MYO18B: variants seen among roughly 807,000 people sequenced by gnomAD.
MYO18B encodes the protein unconventional myosin-XVIIIb.
In MYO18B, 204 loss-of-function variants were observed where a neutral mutation model predicts 273.0. That is an observed-to-expected ratio of 0.75 (90% CI 0.67 to 0.84). MYO18B has a LOEUF of 0.84. Among genes scored for constraint, MYO18B ranks in the 40% least tolerant of loss-of-function variants. MYO18B has a pLI of 0.00. For missense variants in MYO18B, 3,212 were observed against 3,287.6 expected (o/e 0.98, Z 0.56); for synonymous variants, 1,330 against 1,305.7 (o/e 1.02, Z -0.40).
At position 25,990,647 on chromosome 22, in the gene MYO18B, A is replaced by G. The variant is rs554911864; in HGVS notation, c.6157-1716A>G. Among the ~76,000 whole-genome samples, 17 of 124,906 alleles carry G rather than the reference A, an allele frequency of 1.4e-4. No homozygotes were observed. In the South Asian group the frequency reaches 4.6e-3, roughly 34 times the overall value. 81.9% of individuals were successfully genotyped at this position (124,906 alleles called of 152,430 possible). ...GGTTGCAGTGAGCTGAGATCATGCC[A>G]CTGCACTCCAGGCTGTGCAACAGAG... On this transcript the variant is annotated intron_variant, in intron 39 of 43. Coordinates refer to ENST00000335473, the MANE Select transcript of MYO18B (RefSeq NM_032608.7).
Position 25,878,079 on chromosome 22 carries a change from G to A in MYO18B, c.4314+31G>A, listed in dbSNP as rs368078987. The A allele has an allele frequency of 5.9e-5, 90 of 1,522,374 alleles. No individual in the cohort carries two copies. In the African/African-American group the frequency reaches 9.5e-4, roughly 16 times the overall value. 94.3% of individuals were successfully genotyped at this position (1,522,374 alleles called of 1,614,324 possible). A position where few individuals can be genotyped will look rare whatever the true frequency, so the allele number is the denominator to read the frequency against. ...CCCATCCCTCCTCTTGGGTCCTTGT[G>A]GGGGGTCTTTATGTATGTGAGATCT... is the stretch of plus-strand genomic sequence containing the variant. On this transcript the variant is annotated intron_variant, in intron 25 of 43. Transcript: ENST00000335473.
At chr22:26,003,143 G>C in intron 40 of MYO18B, 122 bp from the exon 41 acceptor site, 1 of 875,396 alleles carries the variant, frequency 1.1e-6, no homozygotes, top group Middle Eastern at 2.8e-4. Context: ...ACTTCCCTGA[G>C]ATCACACAGG....
rs1936578095 is a variant in MYO18B at position 26,030,035 on chromosome 22, A to T, written c.*13-408A>T. Among the ~76,000 whole-genome samples, 3 of 152,130 alleles carry T rather than the reference A, an allele frequency of 2.0e-5. No individual in the cohort carries two copies. In the South Asian group the frequency reaches 6.2e-4, roughly 31 times the overall value. On this transcript the variant is annotated intron_variant, in intron 43 of 43. Transcript: ENST00000335473. ...CAGTAACGCCACCTGGGTATACAGA[A>T]TTCCAGGCCCTCCACCCCATTCATT... is the stretch of plus-strand genomic sequence containing the variant.
In MYO18B at chr22:25,771,966, A is replaced by G. The variant is rs1010236782; in HGVS notation, c.1693-368A>G. Among the ~76,000 whole-genome samples, 3 of 152,190 alleles carry G rather than the reference A, an allele frequency of 2.0e-5. No homozygotes were observed. The East Asian group carries it at 5.8e-4, about 29-fold the overall frequency. ...CCTCGTAAGACCCAGAAGAGGAGGAAATGGCAGCGGATGCTCGCACACACT... is the reference window on the plus strand; with the variant it reads ...CCTCGTAAGACCCAGAAGAGGAGGAGATGGCAGCGGATGCTCGCACACACT... On this transcript the variant is annotated intron_variant, in intron 6 of 43. Transcript: ENST00000335473.
chr22:25,944,334 G>T (rs2092679722), intron 34 of MYO18B, among the ~76,000 whole-genome samples: 1 of 152,164 alleles, frequency 6.6e-6, no homozygotes, highest in Non-Finnish European at 1.5e-5. Flanking sequence ...GGGCCCAACT[G>T]CAGGAATACA....
rs147555673 is a variant in MYO18B, at chr22:25,973,062, T to A, written c.6156+17698T>A. On this transcript the variant is annotated intron_variant, in intron 39 of 43. Transcript: ENST00000335473. ...TGGTTCCTGCCTCTGTATTACTGAT[T>A]TGTTTTTTTGCTTCTAGATCTTGTT... Among the ~76,000 whole-genome samples, 436 of 152,282 alleles carry A rather than the reference T, an allele frequency of 2.9e-3. 2 individuals carry two copies. The highest frequency in any genetic ancestry group is 9.6e-3 in the African/African-American group (397 of 41,558).
the MYO18B span, among the ~76,000 whole-genome samples, chr22:26,054,879 G>C: frequency 6.6e-6 from 1 of 152,100 alleles, no homozygotes; most frequent in Non-Finnish European, 1.5e-5. Flanking sequence ...CGAAACATAG[G>C]GTGATGATGT....
At chr22:25,869,449 C>CAAAAAAAA (rs58609325) in intron 22 of MYO18B, among the ~76,000 whole-genome samples, 2 of 58,120 alleles carry the variant, frequency 3.4e-5, no homozygotes, top group African/African-American at 7.7e-5. Flanking sequence ...TACTGTGTCT[C>CAAAAAAAA]AAAAAAAAAA....
chr22:25,842,475 C>T (rs754655519), intron 17 of MYO18B, among the ~76,000 whole-genome samples: 1 of 151,940 alleles, frequency 6.6e-6, no homozygotes, highest in African/African-American at 2.4e-5. Flanking sequence ...GAGTTCGAGA[C>T]CAGCCTGGCC....
At chr22:25,851,973 G>A (rs1396326187) in intron 21 of MYO18B, among the ~76,000 whole-genome samples, 4 of 152,126 alleles carry the variant, frequency 2.6e-5, no homozygotes, top group Non-Finnish European at 5.9e-5. Context: ...GGAACTTTAG[G>A]AAAAGAATAA....
At chr22:25,820,749 C>A (rs549756999) in intron 12 of MYO18B, among the ~76,000 whole-genome samples, 2 of 152,198 alleles carry the variant, frequency 1.3e-5, no homozygotes, top group South Asian at 2.1e-4. Flanking sequence ...TCCTACAATG[C>A]TATAGAACAC....
At chr22:25,960,289 A>G (rs1293157291) in intron 39 of MYO18B, among the ~76,000 whole-genome samples, 1 of 152,006 alleles carries the variant, frequency 6.6e-6, no homozygotes, top group East Asian at 1.9e-4. Context: ...CTGTGGATGT[A>G]TATATCCTGT....
chr22:25,771,557 C>G (rs1391589069), intron 6 of MYO18B, among the ~76,000 whole-genome samples: 2 of 152,174 alleles, frequency 1.3e-5, no homozygotes, highest in Non-Finnish European at 1.5e-5. Flanking sequence ...GCCCTTTCCC[C>G]CCGCCCCTCA....
rs747394426 is a variant in MYO18B at position 25,828,849 on chromosome 22, C to A, written c.2860C>A (p.His954Asn). 57 of 1,613,882 alleles carry A rather than the reference C, an allele frequency of 3.5e-5. No homozygotes were observed. The highest frequency in any genetic ancestry group is 2.9e-4 in the South Asian group (26 of 91,090). ...VDSPGFQNPRHQGKDRAATFE... is the reference protein window; with the variant it reads ...VDSPGFQNPRNQGKDRAATFE... The stretch of plus-strand genomic sequence containing the variant: ...CTCTCCAGGCTTCCAGAACCCCCGG[C>A]ACCAGGGCAAGGACCGGGCGGCCAC... The change falls in exon 15 of 44, where the codon CAC becomes AAC. Residue 954 changes from histidine (H) to asparagine (N), a missense_variant. Physicochemically the swap from His to Asn is moderately conservative, Grantham distance 68. Transcript: ENST00000335473.
chr22:25,772,616 G>A (rs941152204), intron 7 of MYO18B, 106 bp downstream of exon 7: 7 of 1,158,864 alleles, frequency 6.0e-6, no homozygotes, highest in African/African-American at 3.1e-5. Flanking sequence ...GCCCCCAGTC[G>A]ACCTGTCTGC....
In MYO18B at chr22:26,026,945, C is replaced by G. The variant is rs1245196255; in HGVS notation, c.6971C>G (p.Thr2324Ser). 6.2e-7 allele frequency: 1 copy of G among 1,613,818 alleles called. No individual in the cohort carries two copies. ...GCCGCTGGTGGTCTCTTGAGGTCCACCAGCCTCAAATGCATCTCTTCAGAC... is the reference window on the plus strand; with the variant it reads ...GCCGCTGGTGGTCTCTTGAGGTCCAGCAGCCTCAAATGCATCTCTTCAGAC... The part of the protein sequence containing the change: ...EGAAGGLLRS[T>S]SLKCISSDGV... Residue 2324 changes from threonine (T) to serine (S), a missense_variant, in exon 43 of 44, where the codon ACC (threonine) becomes AGC (serine). Coordinates refer to ENST00000335473, the MANE Select transcript of MYO18B (RefSeq NM_032608.7).
chr22:25,762,943 C>G lies in MYO18B; in HGVS notation c.40-288C>G, dbSNP rs2331158. ...CATGGCAAGGAAGGGAACCAGCAGC[C>G]TTGACCATACAAGTGACTGTTCATA... On this transcript the variant is annotated intron_variant, in intron 2 of 43. Transcript: ENST00000335473. The G allele has an allele frequency of 0.29, 167,854 of 576,634 alleles. 29,282 individuals are homozygous for G. Among genetic ancestry groups the G allele is most frequent in the East Asian group, 0.65 (15,451 of 23,654 alleles). 35.7% of individuals were successfully genotyped at this position (576,634 alleles called of 1,614,324 possible).
chr22:25,887,885 G>A (rs775594698), intron 25 of MYO18B, among the ~76,000 whole-genome samples: 1 of 152,158 alleles, frequency 6.6e-6, no homozygotes, highest in Non-Finnish European at 1.5e-5. Context: ...TGCTCAGGCC[G>A]GTTAGCATAA....
rs564035814 is a variant in MYO18B at position 26,006,955 on chromosome 22, T to C, written c.6470+2100T>C. Among the ~76,000 whole-genome samples, 9 of 152,320 alleles carry C rather than the reference T, an allele frequency of 5.9e-5. 1 individual carries two copies. Among genetic ancestry groups the C allele is most frequent in the African/African-American group, 9.6e-5 (4 of 41,578 alleles). On this transcript the variant is annotated intron_variant, in intron 42 of 43. Coordinates refer to ENST00000335473, the MANE Select transcript of MYO18B (RefSeq NM_032608.7). The stretch of plus-strand genomic sequence containing the variant: ...GAAGGGGGAGCAACTGATCCATGCA[T>C]AGATGGTCTTACAGCTCCTGCAGTG...
Sources: allele counts gnomAD v4.1 joint callset (sites outside exome capture counted in the v4.1 genomes callset), GRCh38; gene constraint gnomAD v4.1.1; transcripts MANE v1.5; gene names NCBI Gene and HGNC (gene_info 2026-07-23, HGNC 2026-07-21).